The following LHPP variants were observed in gnomAD, a reference collection of about 807,000 sequenced individuals.
LHPP encodes hLHPP.
Under a neutral mutation model 30.3 loss-of-function variants are expected in LHPP, and 24 were observed. That is an observed-to-expected ratio of 0.79 (90% CI 0.57 to 1.11). The LOEUF is 1.11. LHPP is among the 50% of genes most tolerant of loss of function. LHPP has a pLI of 0.00. For missense variants in LHPP, 356 were observed against 367.2 expected (o/e 0.97, Z 0.25); for synonymous variants, 150 against 157.1 (o/e 0.95, Z 0.34).
chr10:124,489,930 A>T (rs1953468992), intron 3 of LHPP: 1 of 187,084 alleles, frequency 5.3e-6, no homozygotes, highest in Non-Finnish European at 1.1e-5. Context: ...GGGGGACAGC[A>T]CTCCATCTGT....
chr10:124,462,082 C>G lies in LHPP; in HGVS notation c.125+95C>G. 9 of 1,101,794 alleles carry G rather than the reference C, an allele frequency of 8.2e-6. No homozygotes were observed. The South Asian group carries it at 4.1e-4, about 51-fold the overall frequency. 68.3% of individuals were successfully genotyped at this position (1,101,794 alleles called of 1,614,324 possible). A position where few individuals can be genotyped will look rare whatever the true frequency, so the allele number is the denominator to read the frequency against. On this transcript the variant is annotated intron_variant, in intron 1 of 6. Coordinates refer to ENST00000368842, the MANE Select transcript of LHPP (RefSeq NM_022126.4). ...GGGGGCGGGGCGGCAGGGGGCGGGGCCGCGGCGCAGGCCCCGCCTCGGTCT... is the reference window on the plus strand; with the variant it reads ...GGGGGCGGGGCGGCAGGGGGCGGGGGCGCGGCGCAGGCCCCGCCTCGGTCT...
chr10:124,538,718 G>C (rs1406928741), intron 6 of LHPP, among the ~76,000 whole-genome samples: 1 of 152,228 alleles, frequency 6.6e-6, no homozygotes, highest in Non-Finnish European at 1.5e-5. Context: ...AGAATCCTGG[G>C]AATTAACTAG....
At chr10:124,556,172 C>G (rs1948295616) in intron 6 of LHPP, among the ~76,000 whole-genome samples, 1 of 152,140 alleles carries the variant, frequency 6.6e-6, no homozygotes, top group Admixed American at 6.5e-5. Context: ...AACCACCGAC[C>G]AGCCCACCAT....
intron 6 of LHPP, among the ~76,000 whole-genome samples, chr10:124,520,085 G>A (rs1327319275): frequency 4.0e-5 from 6 of 151,536 alleles, no homozygotes; most frequent in South Asian, 2.1e-4. Flanking sequence ...TGCCCACCTC[G>A]GCCTCCCAAA....
At chr10:124,480,565 C>T (rs1207507841) in intron 1 of LHPP, among the ~76,000 whole-genome samples, 1 of 152,230 alleles carries the variant, frequency 6.6e-6, no homozygotes, top group Non-Finnish European at 1.5e-5. Context: ...CACTTCTTCA[C>T]TCAACTGCTC....
intron 2 of LHPP, among the ~76,000 whole-genome samples, chr10:124,488,172 G>GT (rs1308089095): frequency 1.3e-5 from 2 of 152,168 alleles, no homozygotes; most frequent in Non-Finnish European, 2.9e-5. Flanking sequence ...GGCTGATGTG[G>GT]TATTGGGATG....
intron 6 of LHPP, among the ~76,000 whole-genome samples, chr10:124,583,406 T>G (rs995819736): frequency 6.6e-6 from 1 of 152,224 alleles, no homozygotes; most frequent in African/African-American, 2.4e-5. Context: ...AGGCTATTCT[T>G]TCCCCTTTGA....
rs1949233420 is a variant in LHPP at position 124,613,728 on chromosome 10, T to C, written c.*368T>C. The stretch of plus-strand genomic sequence containing the variant: ...ACTCACCATGGGCCTTTAAATGCAG[T>C]AAACTCCACCTAACCAGATTCAGGG... On this transcript the variant is annotated 3_prime_UTR_variant, in exon 7 of 7. Coordinates refer to ENST00000368842, the MANE Select transcript of LHPP (RefSeq NM_022126.4). 1 of 304,352 alleles carries C rather than the reference T, an allele frequency of 3.3e-6. No individual in the cohort carries two copies. Among genetic ancestry groups the C allele is most frequent in the East Asian group, 7.0e-5 (1 of 14,310 alleles). The allele number at this position is 304,352 out of a possible 1,614,324, so 18.9% of individuals were successfully genotyped here.
intron 6 of LHPP, among the ~76,000 whole-genome samples, chr10:124,586,107 A>G (rs547810674): frequency 2.0e-5 from 3 of 152,286 alleles, no homozygotes; most frequent in South Asian, 4.1e-4. Flanking sequence ...CTAAAACAAC[A>G]TTGTGTAGGA....
chr10:124,540,486 C>T (rs181675006), intron 6 of LHPP, among the ~76,000 whole-genome samples: 3 of 152,366 alleles, frequency 2.0e-5, no homozygotes, highest in Non-Finnish European at 2.9e-5. Context: ...TCCCTTTCCC[C>T]GAGCGCCCTT....
chr10:124,467,457 G>A (rs1286641779), intron 1 of LHPP, among the ~76,000 whole-genome samples: 1 of 151,810 alleles, frequency 6.6e-6, no homozygotes, highest in Non-Finnish European at 1.5e-5. Flanking sequence ...TTCCTGGCCT[G>A]GTGTTTGGCA....
chr10:124,568,953 C>CG (rs1948540629), intron 6 of LHPP, among the ~76,000 whole-genome samples: 1 of 138,154 alleles, frequency 7.2e-6, no homozygotes. Flanking sequence ...CTGTCCCCCC[C>CG]ACGGCTCCCA....
intron 6 of LHPP, among the ~76,000 whole-genome samples, chr10:124,548,032 C>T (rs11245282): frequency 0.28 from 41,997 of 152,160 alleles, 6,728 homozygotes; most frequent in South Asian, 0.36. Context: ...GGGTGTGTTC[C>T]GAGTTCTCCG....
chr10:124,497,229 C>T (rs1262150582), intron 4 of LHPP, among the ~76,000 whole-genome samples: 1 of 147,294 alleles, frequency 6.8e-6, no homozygotes, highest in Non-Finnish European at 1.5e-5. Flanking sequence ...CCCCATCTCT[C>T]CCTTCCCATC....
chr10:124,513,801 AAAG>A (rs1954378849), intron 5 of LHPP, among the ~76,000 whole-genome samples: 1 of 151,750 alleles, frequency 6.6e-6, no homozygotes, highest in Non-Finnish European at 1.5e-5. Flanking sequence ...AAAAAAAAAA[AAAG>A]AGCATGAGTC....
At chr10:124,483,445 G>T (rs927947327) in intron 1 of LHPP, among the ~76,000 whole-genome samples, 2 of 152,136 alleles carry the variant, frequency 1.3e-5, no homozygotes, top group African/African-American at 4.8e-5. Context: ...TGGAGAGGAG[G>T]TATTGCATGG....
intron 6 of LHPP, among the ~76,000 whole-genome samples, chr10:124,538,999 A>G (rs1204240506): frequency 6.6e-6 from 1 of 152,146 alleles, no homozygotes; most frequent in Non-Finnish European, 1.5e-5. Context: ...GCCTCAAGGG[A>G]TCAGAGAATA....
At chr10:124,497,824 G>A (rs1017532702) in intron 4 of LHPP, among the ~76,000 whole-genome samples, 1 of 152,192 alleles carries the variant, frequency 6.6e-6, no homozygotes, top group Admixed American at 6.5e-5. Flanking sequence ...GTGGATGGCA[G>A]GGTGCCTGGT....
intron 5 of LHPP, among the ~76,000 whole-genome samples, chr10:124,512,977 A>G (rs953638771): frequency 2.0e-5 from 3 of 152,228 alleles, no homozygotes; most frequent in Admixed American, 6.5e-5. Flanking sequence ...TGGCTTGGGC[A>G]TGCTTCATAG....
Sources: allele counts gnomAD v4.1 joint callset (sites outside exome capture counted in the v4.1 genomes callset), GRCh38; gene constraint gnomAD v4.1.1; transcripts MANE v1.5; gene names NCBI Gene and HGNC (gene_info 2026-07-23, HGNC 2026-07-21).